The following NRXN2 variants were observed in gnomAD, a reference collection of about 807,000 sequenced individuals.
NRXN2 encodes neurexin-2-beta.
A neutral mutation model predicts 128.8 loss-of-function variants in NRXN2; 29 were observed. The ratio of observed to expected loss-of-function variants is 0.23; its 90% CI spans 0.17 to 0.31. NRXN2 has a LOEUF of 0.31. Ranked by LOEUF, NRXN2 falls within the 10% of genes least tolerant of loss-of-function variation. The pLI is 1.00. For missense variants in NRXN2, 1,881 were observed against 2,452.6 expected (o/e 0.77, Z 4.92); for synonymous variants, 1,098 against 1,075.2 (o/e 1.02, Z -0.41).
chr11:64,639,847 A>G (rs1015273817), intron 17 of NRXN2, among the ~76,000 whole-genome samples: 1 of 152,148 alleles, frequency 6.6e-6, no homozygotes, highest in Admixed American at 6.5e-5. Context: ...GACACTGGGC[A>G]GAGAGGAAGC....
rs144906809 is a variant in NRXN2, at chr11:64,651,249, C to T, written c.2918+6G>A. 1,893 of 1,614,000 alleles carry T rather than the reference C, an allele frequency of 1.2e-3. 7 individuals carry two copies. In the Middle Eastern group the frequency reaches 0.015, roughly 12 times the overall value. ...CTTGACAGCAGTGCAATCCCCAGCC[C>T]CTCACCCCTTGACCAGCTCGATGAC... On this transcript the variant is annotated splice_donor_region_variant and intron_variant, in intron 14 of 22. Coordinates refer to ENST00000265459, the MANE Select transcript of NRXN2 (RefSeq NM_015080.4). This position sits in a 1 kb window ranked among gnomAD's most constrained non-coding sequence, Gnocchi z 5.9.
Position 64,713,201 on chromosome 11 carries a change from T to C in NRXN2, c.499A>G (p.Ser167Gly). Residue 167 changes from serine to glycine, a missense_variant, in exon 2 of 23, where the codon AGC becomes GGC. Transcript: ENST00000265459. ...AAGGGCGGCTCGTACTTGACGGTGC[T>C]CAGCGTAAGCGCCGAGAGGCGCACG... is the stretch of plus-strand genomic sequence containing the variant. ...PDVRLSALTL[S>G]TVKYEPPFRG... 6.8e-7 allele frequency: 1 copy of C among 1,469,390 alleles called. No homozygotes were observed. Among genetic ancestry groups the C allele is most frequent in the Non-Finnish European group, 9.0e-7 (1 of 1,114,466 alleles). 91.0% of individuals were successfully genotyped at this position (1,469,390 alleles called of 1,614,324 possible).
At position 64,642,858 on chromosome 11, in the gene NRXN2, G is replaced by C. The variant is rs1310689532; in HGVS notation, c.3403+5361C>G. 4 of 1,050,918 alleles carry C rather than the reference G, an allele frequency of 3.8e-6. No individual in the cohort carries two copies. The Admixed American group carries it at 2.2e-4, about 57-fold the overall frequency. The allele number at this position is 1,050,918 out of a possible 1,614,324, so 65.1% of individuals were successfully genotyped here. A position where few individuals can be genotyped will look rare whatever the true frequency, so the allele number is the denominator to read the frequency against. ...CCATGGCCGGGGGCGGGGACGCGGG[G>C]CTGCGCAGCCCCGCGAAGCCCCCCT... On this transcript the variant is annotated intron_variant, in intron 17 of 22. Transcript: ENST00000265459.
At chr11:64,696,491 A>C (rs1414937844) in intron 3 of NRXN2, among the ~76,000 whole-genome samples, 2 of 150,806 alleles carry the variant, frequency 1.3e-5, no homozygotes, top group African/African-American at 4.9e-5. Flanking sequence ...GTATAAATGT[A>C]TGTGTATGCA....
intron 15 of NRXN2, among the ~76,000 whole-genome samples, chr11:64,649,541 C>T (rs772371315): frequency 6.6e-6 from 1 of 152,216 alleles, no homozygotes; most frequent in Non-Finnish European, 1.5e-5. Context: ...ACACAAGACC[C>T]GCCAAGATAA....
At chr11:64,668,755 G>A (rs918663974) in intron 7 of NRXN2, 151 bp from the exon 8 acceptor site, 3 of 800,942 alleles carry the variant, frequency 3.7e-6, no homozygotes, top group Non-Finnish European at 6.2e-6. Context: ...AGGAACAGTG[G>A]GGGAAGAGAG....
Position 64,660,433 on chromosome 11 carries a change from T to C in NRXN2, c.2288A>G (p.Gln763Arg). The change falls in exon 11 of 23, where the codon CAG (glutamine) becomes CGG (arginine). Residue 763 changes from glutamine to arginine, a missense_variant. Coordinates refer to ENST00000265459, the MANE Select transcript of NRXN2 (RefSeq NM_015080.4). This position sits in a 1 kb window ranked among gnomAD's most constrained non-coding sequence, Gnocchi z 5.2. ...GGCCATCATGAGTCCGTAGGCCCGCTGGGACATGAAACGCAGGGACACATC... is the reference window on the plus strand; with the variant it reads ...GGCCATCATGAGTCCGTAGGCCCGCCGGGACATGAAACGCAGGGACACATC... ...AEDVSLRFMS[Q>R]RAYGLMMATT... 26 of 1,614,144 alleles carry C rather than the reference T, an allele frequency of 1.6e-5. No homozygotes were observed. The highest frequency in any genetic ancestry group is 2.1e-5 in the Non-Finnish European group (25 of 1,180,028).
chr11:64,711,433 G>T (rs1343847898), intron 2 of NRXN2, among the ~76,000 whole-genome samples: 4 of 152,048 alleles, frequency 2.6e-5, no homozygotes, highest in Non-Finnish European at 5.9e-5. Flanking sequence ...CCCTCCCCAC[G>T]CCCAGCCAGA....
At chr11:64,617,609 G>C (rs1252141594) in intron 22 of NRXN2, among the ~76,000 whole-genome samples, 1 of 152,344 alleles carries the variant, frequency 6.6e-6, no homozygotes, top group African/African-American at 2.4e-5. Context: ...CAGGGATGAG[G>C]ATCTGCAAGG....
In NRXN2 at chr11:64,665,078, C is replaced by A. The variant is rs190398917; in HGVS notation, c.1798+2172G>T. On this transcript the variant is annotated intron_variant, in intron 9 of 22. Coordinates refer to ENST00000265459, the MANE Select transcript of NRXN2 (RefSeq NM_015080.4). ...CGGGCGGATCATGAGGTCAAGAGTT[C>A]GAGACCATTCTGGCCAACATGGTAA... Among the ~76,000 whole-genome samples, 128 of 151,852 alleles carry A rather than the reference C, an allele frequency of 8.4e-4. 1 individual carries two copies. The highest frequency in any genetic ancestry group is 3.4e-3 in the Middle Eastern group (1 of 290).
chr11:64,680,542 C>A (rs1394474628), intron 6 of NRXN2, among the ~76,000 whole-genome samples: 1 of 152,220 alleles, frequency 6.6e-6, no homozygotes, highest in African/African-American at 2.4e-5. Flanking sequence ...TTCAACTCTA[C>A]CACTTCCTAA....
In NRXN2 at chr11:64,607,474, C is replaced by T. The variant is rs537120457; in HGVS notation, c.4861G>A (p.Gly1621Ser). 1 of 1,606,676 alleles carries T rather than the reference C, an allele frequency of 6.2e-7. No homozygotes were observed. The highest frequency in any genetic ancestry group is 2.2e-5 in the East Asian group (1 of 44,734). ...TANPTGPGER[G>S]PPGAVEVIRE... ...ATCACCTCCACTGCGCCCGGCGGGC[C>T]CCGCTCCCCAGGCCCTGTGGGGTTG... The change falls in exon 23 of 23, where the codon GGC (glycine) becomes AGC (serine). Residue 1621 changes from glycine to serine, a missense_variant. By Grantham distance (56) the Gly-to-Ser change is moderately conservative. This residue lies in a region of NRXN2 where 310 missense variants were observed against 318.2 expected (regional missense o/e 0.97). Coordinates refer to ENST00000265459, the MANE Select transcript of NRXN2 (RefSeq NM_015080.4).
chr11:64,661,962 A>C (rs1052474192), intron 9 of NRXN2, among the ~76,000 whole-genome samples: 1 of 152,118 alleles, frequency 6.6e-6, no homozygotes. Context: ...TCAGAAGTAG[A>C]GGGTGCTTGG....
Position 64,607,106 on chromosome 11 carries a change from G to T in NRXN2, c.*90C>A. ...GAAGCCTGAGGCAGCCAGGGAGAGG[G>T]TCCCCAGGCCCCTGGCAGGGAGAGG... On this transcript the variant is annotated 3_prime_UTR_variant, in exon 23 of 23. Transcript: ENST00000265459. The T allele has an allele frequency of 7.1e-7, 1 of 1,403,466 alleles. No homozygotes were observed. 86.9% of individuals were successfully genotyped at this position (1,403,466 alleles called of 1,614,324 possible).
rs1015317639 is a variant in NRXN2 at position 64,682,773 on chromosome 11, C to T, written c.1152+2873G>A. ...TGGGCCCAGGATTTAAAATAGACCTCGGGGAATCCTCAGAGGTAATAATTC... is the reference window on the plus strand; with the variant it reads ...TGGGCCCAGGATTTAAAATAGACCTTGGGGAATCCTCAGAGGTAATAATTC... On this transcript the variant is annotated intron_variant, in intron 6 of 22. Transcript: ENST00000265459. 2.0e-5 allele frequency among the ~76,000 whole-genome samples: 3 copies of T among 152,100 alleles called. No homozygotes were observed. The East Asian group carries it at 5.8e-4, about 29-fold the overall frequency.
intron 8 of NRXN2, among the ~76,000 whole-genome samples, chr11:64,668,069 C>T (rs1365761781): frequency 1.3e-5 from 2 of 152,244 alleles, no homozygotes; most frequent in Non-Finnish European, 2.9e-5. Flanking sequence ...TAGGCACTGA[C>T]TACCCATCCA....
In NRXN2 at chr11:64,607,951, T is replaced by C. The variant is rs1565160745; in HGVS notation, c.4384A>G (p.Thr1462Ala). ...CGGCGCGCGGCGGGCGGGGGCAGCG[T>C]GTCTTGGGTGGCGCCCACTCCCGTG... ...FLTGVGATQD[T>A]LPPPAARRPP... Residue 1462 changes from threonine to alanine, a missense_variant, in exon 23 of 23, where the codon ACG becomes GCG. By Grantham distance (58) the Thr-to-Ala change is moderately conservative (BLOSUM62 0). Around this residue, in one of 7 missense-constraint regions of NRXN2, gnomAD observed 310 missense variants for 318.2 expected, o/e 0.97. Coordinates refer to ENST00000265459, the MANE Select transcript of NRXN2 (RefSeq NM_015080.4). The C allele has an allele frequency of 2.0e-6, 3 of 1,525,854 alleles. No individual in the cohort carries two copies. In the East Asian group the frequency reaches 7.4e-5, roughly 38 times the overall value. The allele number at this position is 1,525,854 out of a possible 1,614,324, so 94.5% of individuals were successfully genotyped here.
At chr11:64,644,754 G>A (rs1467786366) in intron 17 of NRXN2, among the ~76,000 whole-genome samples, 1 of 151,982 alleles carries the variant, frequency 6.6e-6, no homozygotes, top group African/African-American at 2.4e-5. Context: ...GGAGGGCTGG[G>A]TAAGGAAAGG....
intron 17 of NRXN2, among the ~76,000 whole-genome samples, chr11:64,636,826 G>T (rs1202333810): frequency 6.6e-6 from 1 of 151,994 alleles, no homozygotes; most frequent in African/African-American, 2.4e-5. Context: ...CACTAGGCCG[G>T]GTTCCCTCAG....
Sources: gnomAD v4.1 joint callset for allele counts (sites outside exome capture counted in the v4.1 genomes callset) on GRCh38, gnomAD v4.1.1 for gene constraint, gnomAD v4.1.1 regional missense constraint, Gnocchi (gnomAD v3.1) non-coding constraint, MANE v1.5 for transcripts, NCBI Gene and HGNC (gene_info 2026-07-23, HGNC 2026-07-21) for gene names.